TMEM276: variants seen among roughly 807,000 people sequenced by gnomAD.
TMEM276 encodes the protein transmembrane protein 276.
chr8:144,463,839 C>T, the TMEM276 span: 1 of 1,314,302 alleles, frequency 7.6e-7, no homozygotes, highest in Non-Finnish European at 9.7e-7. Flanking sequence ...TGCAAAATTC[C>T]TAAGATTTAT....
chr8:144,466,546 C>A, the TMEM276 span: 1 of 1,125,324 alleles, frequency 8.9e-7, no homozygotes, highest in Non-Finnish European at 1.1e-6. Context: ...TGCAGCCCGT[C>A]GTCTCCCGCC....
At chr8:144,464,437 G>A in the TMEM276 span, 1 of 1,612,066 alleles carries the variant, frequency 6.2e-7, no homozygotes, top group Non-Finnish European at 8.5e-7. Flanking sequence ...GAGCAGGTTG[G>A]CAGAGGAGCG....
At chr8:144,466,802 G>C in the TMEM276 span, 11 of 1,536,518 alleles carry the variant, frequency 7.2e-6, no homozygotes, top group Non-Finnish European at 9.6e-6. Flanking sequence ...AGACCTGCCC[G>C]CGCCAGAGCT....
At chr8:144,464,353 G>A in the TMEM276 span, 3 of 1,611,490 alleles carry the variant, frequency 1.9e-6, 1 homozygote, top group Non-Finnish European at 2.5e-6. Flanking sequence ...CAACAGCATT[G>A]CCTGACCAGC....
chr8:144,464,313 A>C, the TMEM276 span: 1 of 1,613,028 alleles, frequency 6.2e-7, no homozygotes. Flanking sequence ...CCGTGAAGAC[A>C]GCTACAATGA....
At chr8:144,465,117 A>C in the TMEM276 span, 7 of 1,465,066 alleles carry the variant, frequency 4.8e-6, no homozygotes, top group Non-Finnish European at 4.5e-6. Context: ...GAAGAACCTA[A>C]TTCAGCCGGG....
At chr8:144,465,504 A>G in the TMEM276 span, 13 of 922,364 alleles carry the variant, frequency 1.4e-5, no homozygotes, top group Non-Finnish European at 1.5e-5. Context: ...AGCGGAGGCT[A>G]GAGCGGCCGG....
At chr8:144,465,402 C>G in the TMEM276 span, 4 of 1,020,358 alleles carry the variant, frequency 3.9e-6, no homozygotes, top group South Asian at 1.4e-4. Flanking sequence ...CGAGCCTGCG[C>G]AACGCACCGC....
chr8:144,465,193 A>G, the TMEM276 span: 1 of 1,306,924 alleles, frequency 7.7e-7, no homozygotes, highest in Non-Finnish European at 9.9e-7. Flanking sequence ...CTGGAGCCCA[A>G]GTGGGAGTGC....
At chr8:144,465,442 G>A in the TMEM276 span, 1 of 1,004,532 alleles carries the variant, frequency 1.0e-6, no homozygotes, top group South Asian at 3.9e-5. Context: ...CTCCTCTGCC[G>A]TGCCCCCAGT....
chr8:144,466,395 G>A, the TMEM276 span: 32 of 1,091,314 alleles, frequency 2.9e-5, no homozygotes, highest in Non-Finnish European at 3.6e-5. Flanking sequence ...GCGCGAAGCG[G>A]GGCCCTCTGC....
At chr8:144,464,415 G>A in the TMEM276 span, 1 of 1,612,124 alleles carries the variant, frequency 6.2e-7, no homozygotes, top group Non-Finnish European at 8.5e-7. Flanking sequence ...CCAGCACCAT[G>A]CCTCCTCCCA....
At chr8:144,464,210 CCTT>C in the TMEM276 span, 1 of 1,613,174 alleles carries the variant, frequency 6.2e-7, no homozygotes, top group Non-Finnish European at 8.5e-7. Flanking sequence ...CAGACATCCT[CCTT>C]CGGTAGCAGC....
At chr8:144,464,389 T>G in the TMEM276 span, 1 of 1,608,860 alleles carries the variant, frequency 6.2e-7, no homozygotes, top group Non-Finnish European at 8.5e-7. Context: ...AGGGCCGAGG[T>G]GGCCGCCAGC....
the TMEM276 span, chr8:144,465,316 G>T: frequency 3.7e-6 from 4 of 1,090,442 alleles, 1 homozygote; most frequent in South Asian, 7.9e-5. Context: ...GAGGAGCGAC[G>T]GCGCAGGACT....
chr8:144,465,393 G>A, the TMEM276 span: 20 of 1,026,330 alleles, frequency 1.9e-5, no homozygotes, highest in South Asian at 3.3e-5. Flanking sequence ...CGGGAGGCCC[G>A]AGCCTGCGCA....
chr8:144,464,422 C>G, the TMEM276 span: 1 of 1,612,238 alleles, frequency 6.2e-7, no homozygotes, highest in Non-Finnish European at 8.5e-7. Context: ...CATGCCTCCT[C>G]CCAGGAGCAG....
the TMEM276 span, chr8:144,466,098 G>C: frequency 6.5e-6 from 1 of 154,610 alleles, no homozygotes; most frequent in African/African-American, 2.4e-5. Context: ...CGCGAAACCG[G>C]AGCGGTGGGG....
the TMEM276 span, chr8:144,466,715 G>T: frequency 2.1e-6 from 3 of 1,442,688 alleles, no homozygotes. Flanking sequence ...GGGGCCAGCA[G>T]GCTGCCTGCC....
Sources: gnomAD v4.1 joint callset for allele counts on GRCh38, gnomAD v4.1.1 for gene constraint, MANE v1.5 for transcripts, NCBI Gene and HGNC (gene_info 2026-07-23, HGNC 2026-07-21) for gene names.